KIF1A: variants seen among roughly 807,000 people sequenced by gnomAD.
KIF1A encodes kinesin family member 1A, also known as kinesin-like protein KIF1A.
KIF1A carries 46 observed loss-of-function variants against 227.3 expected under a neutral mutation model. The ratio of observed to expected loss-of-function variants is 0.20; its 90% CI spans 0.16 to 0.26. The LOEUF (loss-of-function observed/expected upper bound fraction) is 0.26, where lower values mean the gene tolerates loss of function less well. Ranked by LOEUF, KIF1A falls within the 10% of genes least tolerant of loss-of-function variation. KIF1A has a pLI of 1.00. For synonymous variants in KIF1A, 1,022 were observed against 1,012.8 expected, an observed-to-expected ratio of 1.01 and a Z score of -0.17; for missense variants, 1,683 against 2,485.9, an observed-to-expected ratio of 0.68 and a Z score of 6.87.
chr2:240,812,655 G>T (rs2057963940), intron 1 of KIF1A, among the ~76,000 whole-genome samples: 1 of 40,806 alleles, frequency 2.5e-5, no homozygotes, highest in Non-Finnish European at 6.1e-5. Flanking sequence ...TTCACCTCAA[G>T]ATCCACCTTC....
intron 14 of KIF1A, among the ~76,000 whole-genome samples, chr2:240,771,954 G>A (rs1404957107): frequency 2.0e-5 from 3 of 152,220 alleles, no homozygotes; most frequent in Non-Finnish European, 4.4e-5. Context: ...ACCACACGGG[G>A]TGTGGGGGAA....
intron 47 of KIF1A, 106 bp downstream of exon 47, chr2:240,718,900 G>C: frequency 2.2e-6 from 2 of 890,364 alleles, no homozygotes; most frequent in Non-Finnish European, 3.5e-6. Context: ...AGTCTGGGGT[G>C]AGCAGATGGG....
intron 43 of KIF1A, 64 bp from the exon 44 acceptor site, chr2:240,721,948 G>T: frequency 7.3e-7 from 1 of 1,378,756 alleles, no homozygotes; most frequent in Non-Finnish European, 1.0e-6. Context: ...AGACAGCCTT[G>T]CAGGCTCTTC....
intron 18 of KIF1A, 90 bp from the exon 19 acceptor site, chr2:240,767,111 T>C (rs1048639222): frequency 2.5e-6 from 3 of 1,197,922 alleles, no homozygotes; most frequent in African/African-American, 3.0e-5. Context: ...CCAACCAGGA[T>C]TGTTTGGGAA....
chr2:240,732,331 G>C (rs1019180415), intron 38 of KIF1A, among the ~76,000 whole-genome samples: 2 of 140,494 alleles, frequency 1.4e-5, no homozygotes, highest in Admixed American at 6.9e-5. Flanking sequence ...GGAAATGAGG[G>C]GGTGAAGGAG....
rs1454271542 is a variant in KIF1A, at chr2:240,766,749, T to TCTCTCTCTCTCTCTCA, written c.1684+165_1684+166insTGAGAGAGAGAGAGAG. ...CTCTCTCTCTCTCTCTCTCTCTCTCTCACACACACACACACACACACACAC... is the reference window on the plus strand; with the variant it reads ...CTCTCTCTCTCTCTCTCTCTCTCTCTCTCTCTCTCTCTCTCACACACACACACACACACACACACAC... On this transcript the variant is annotated intron_variant, in intron 19 of 48. Coordinates refer to ENST00000498729, the MANE Select transcript of KIF1A (RefSeq NM_001244008.2). The surrounding 1 kb of genome is among the most constrained non-coding windows in gnomAD (Gnocchi z 5.0). Among the ~76,000 whole-genome samples, 2 of 108,974 alleles carry TCTCTCTCTCTCTCTCA rather than the reference T, an allele frequency of 1.8e-5. No individual in the cohort carries two copies. The highest frequency in any genetic ancestry group is 3.2e-4 in the East Asian group (1 of 3,156). The allele number at this position is 108,974 out of a possible 152,430, so 71.5% of individuals were successfully genotyped here. A position where few individuals can be genotyped will look rare whatever the true frequency, so the allele number is the denominator to read the frequency against.
At chr2:240,794,453 T>A (rs974153379) in intron 2 of KIF1A, among the ~76,000 whole-genome samples, 1 of 152,124 alleles carries the variant, frequency 6.6e-6, no homozygotes, top group Non-Finnish European at 1.5e-5. Flanking sequence ...ACGGCCTCAC[T>A]CTTGGGCTCC....
At chr2:240,819,094 A>T (rs1377361743) in intron 1 of KIF1A, 1 of 115,708 alleles carries the variant, frequency 8.6e-6, no homozygotes, top group Admixed American at 7.9e-5. Context: ...GGGCCCCCCC[A>T]ACCCCACCTA....
At position 240,736,891 on chromosome 2, in the gene KIF1A, G is replaced by A. The variant is rs1001958075; in HGVS notation, c.4007+172C>T. On this transcript the variant is annotated intron_variant, in intron 38 of 48. Transcript: ENST00000498729. This position sits in a 1 kb window ranked among gnomAD's most constrained non-coding sequence, Gnocchi z 4.7. ...GAGGTGCACAAACGAGGAGCCGGGGGTGCAGAGGCCACCAGCCCCTCACCG... is the reference window on the plus strand; with the variant it reads ...GAGGTGCACAAACGAGGAGCCGGGGATGCAGAGGCCACCAGCCCCTCACCG... Among the ~76,000 whole-genome samples the A allele has an allele frequency of 3.3e-5, 5 of 152,194 alleles. No homozygotes were observed. Among genetic ancestry groups the A allele is most frequent in the African/African-American group, 1.2e-4 (5 of 41,444 alleles).
intron 20 of KIF1A, 64 bp downstream of exon 20, chr2:240,765,646 G>A: frequency 7.6e-7 from 1 of 1,320,138 alleles, no homozygotes; most frequent in Non-Finnish European, 1.1e-6. Flanking sequence ...GCTTGGACAT[G>A]GGAACAGAGG....
rs2049306703 is a variant in KIF1A, at chr2:240,752,231, C to T, written c.2859-1684G>A. ...CAGGGACTTGTTACCCACAGGGCTG[C>T]AGGCGGCTCTGCCTGACTTAGGTGT... On this transcript the variant is annotated intron_variant, in intron 27 of 48. Coordinates refer to ENST00000498729, the MANE Select transcript of KIF1A (RefSeq NM_001244008.2). The surrounding 1 kb of genome is among the most constrained non-coding windows in gnomAD (Gnocchi z 6.4). Among the ~76,000 whole-genome samples the T allele has an allele frequency of 6.6e-6, 1 of 152,068 alleles. No individual in the cohort carries two copies. The highest frequency in any genetic ancestry group is 2.1e-4 in the South Asian group (1 of 4,832).
intron 1 of KIF1A, among the ~76,000 whole-genome samples, chr2:240,809,080 G>A (rs7562139): frequency 0.63 from 95,431 of 152,092 alleles, 30,601 homozygotes; most frequent in South Asian, 0.78. Context: ...AAAACATTGC[G>A]GAAAATCTAA....
Position 240,722,471 on chromosome 2 carries a change from C to T in KIF1A, c.4650G>A (p.Arg1550=). Residue 1550 remains arginine, a synonymous_variant, in exon 43 of 49, where the codon CGG becomes CGA. Transcript: ENST00000498729. ...SPLEAPNERQ[R]ELAVKCLRLL... ...CTGGACCCACCTTGACGGCCAGCTC[C>T]CGCTGCCTCTCGTTGGGAGCCTCCA... 6.5e-7 allele frequency: 1 copy of T among 1,546,850 alleles called. No homozygotes were observed.
chr2:240,715,678 C>G lies in KIF1A; in HGVS notation c.*1686G>C, dbSNP rs142220621. The G allele has an allele frequency of 0.032, 4,922 of 152,466 alleles. 101 individuals are homozygous for G. The highest frequency in any genetic ancestry group is 0.054 in the Middle Eastern group (16 of 294). The allele number at this position is 152,466 out of a possible 1,614,324, so 9.4% of individuals were successfully genotyped here. A position where few individuals can be genotyped will look rare whatever the true frequency, so the allele number is the denominator to read the frequency against. On this transcript the variant is annotated 3_prime_UTR_variant, in exon 49 of 49. Coordinates refer to ENST00000498729, the MANE Select transcript of KIF1A (RefSeq NM_001244008.2). Reference sequence around the variant, plus strand: ...TGTGGTGTAGAAGGCCCGTGCTCCCCCACTCCTGAGCCGCTGTCTCTCCCC... The same window carrying G: ...TGTGGTGTAGAAGGCCCGTGCTCCCGCACTCCTGAGCCGCTGTCTCTCCCC...
chr2:240,727,002 G>A, intron 38 of KIF1A, 62 bp from the exon 39 acceptor site: 2 of 951,986 alleles, frequency 2.1e-6, no homozygotes, highest in Non-Finnish European at 3.3e-6. Flanking sequence ...AGCCAGGCCG[G>A]GGACATGCAG....
At chr2:240,777,181 C>T (rs1454926453) in intron 10 of KIF1A, among the ~76,000 whole-genome samples, 3 of 152,094 alleles carry the variant, frequency 2.0e-5, no homozygotes, top group Non-Finnish European at 4.4e-5. Flanking sequence ...GTAGCTAGGA[C>T]TACAGGCGTG....
At chr2:240,735,080 C>T (rs954003259) in intron 38 of KIF1A, among the ~76,000 whole-genome samples, 53 of 152,186 alleles carry the variant, frequency 3.5e-4, no homozygotes, top group African/African-American at 1.3e-3. Context: ...AGCCACAGGA[C>T]GGTGCCTGCC....
chr2:240,788,161 C>T lies in KIF1A; in HGVS notation c.253G>A (p.Ala85Thr). 1 of 1,613,738 alleles carries T rather than the reference C, an allele frequency of 6.2e-7. No homozygotes were observed. ...RDIGEEMLQHAFEGYNVCIFA... is the reference protein window; with the variant it reads ...RDIGEEMLQHTFEGYNVCIFA... ...ATGCACACGTTGTATCCCTCAAAGG[C>T]ATGCTGCAGCATCTCCTCGCCGATG... The change falls in exon 4 of 49, where the codon GCC becomes ACC. Residue 85 changes from alanine to threonine, a missense_variant. Physicochemically the swap from Ala to Thr is moderately conservative, Grantham distance 58. This residue lies in a region of KIF1A where 71 missense variants were observed against 129.1 expected (regional missense o/e 0.55). Transcript: ENST00000498729. The surrounding 1 kb of genome is among the most constrained non-coding windows in gnomAD (Gnocchi z 6.6).
chr2:240,812,406 A>G lies in KIF1A; in HGVS notation c.-61+7716T>C, dbSNP rs139484301. On this transcript the variant is annotated intron_variant, in intron 1 of 48. Transcript: ENST00000498729. ...GCTGCTGGAGAGGCCCATGCTGCAG[A>G]GCATCGCACAGGCATCCGCCTGGAG... Among the ~76,000 whole-genome samples, 381 of 152,326 alleles carry G rather than the reference A, an allele frequency of 2.5e-3. 6 individuals carry two copies. The highest frequency in any genetic ancestry group is 0.019 in the East Asian group (98 of 5,176).
Sources: allele counts gnomAD v4.1 joint callset (sites outside exome capture counted in the v4.1 genomes callset), GRCh38; gene constraint gnomAD v4.1.1; regional missense constraint gnomAD v4.1.1; non-coding constraint Gnocchi (gnomAD v3.1); transcripts MANE v1.5; gene names NCBI Gene and HGNC (gene_info 2026-07-23, HGNC 2026-07-21).